Variants in THADA observed in about 807,000 individuals in gnomAD.
THADA encodes the protein THADA armadillo repeat containing, also known as tRNA (32-2'-O)-methyltransferase regulator THADA.
Under a neutral mutation model 219.8 loss-of-function variants are expected in THADA, and 213 were observed. The ratio of observed to expected loss-of-function variants is 0.97; its 90% CI spans 0.87 to 1.09. THADA has a LOEUF of 1.09. Among genes scored for constraint, THADA ranks in the 50% least tolerant of loss-of-function variants. The pLI is 0.00. For synonymous variants in THADA, 1,018 were observed against 828.9 expected (o/e 1.23, Z -3.92); for missense variants, 2,956 against 2,311.3 (o/e 1.28, Z -5.72).
chr2:43,495,848 A>G (rs1024735088), intron 25 of THADA, among the ~76,000 whole-genome samples: 1 of 152,190 alleles, frequency 6.6e-6, no homozygotes, highest in Non-Finnish European at 1.5e-5. Flanking sequence ...CTCTACTGAC[A>G]GTATAAAGGC....
chr2:43,329,105 C>T (rs887461685), intron 30 of THADA, among the ~76,000 whole-genome samples: 8 of 152,114 alleles, frequency 5.3e-5, no homozygotes, highest in Non-Finnish European at 7.3e-5. Context: ...ACGAGAGATG[C>T]GTGTTTCCCT....
At chr2:43,345,579 G>T (rs1667547749) in intron 29 of THADA, among the ~76,000 whole-genome samples, 1 of 152,208 alleles carries the variant, frequency 6.6e-6, no homozygotes, top group South Asian at 2.1e-4. Flanking sequence ...CCGACGTGGA[G>T]TCTGGAGCAA....
chr2:43,404,443 C>G (rs1254894226), intron 28 of THADA, among the ~76,000 whole-genome samples: 1 of 150,336 alleles, frequency 6.7e-6, no homozygotes, highest in African/African-American at 2.5e-5. Flanking sequence ...TCCTCCCACT[C>G]TGGCATCCCA....
Position 43,541,308 on chromosome 2 carries a change from C to G in THADA, c.3115G>C (p.Val1039Leu), listed in dbSNP as rs745338386. 1.2e-4 allele frequency: 194 copies of G among 1,612,438 alleles called. No individual in the cohort carries two copies. The highest frequency in any genetic ancestry group is 1.6e-4 in the Non-Finnish European group (193 of 1,179,414). ...DTSTEIKGKE[V>L]KTCDVTAQMV... ...TGCGCAGTTACATCACATGTTTTTA[C>G]TTCTTTACCTTAAACAAAAAAAAAC... is the stretch of plus-strand genomic sequence containing the variant. The change falls in exon 21 of 38, where the codon GTA (valine) becomes CTA (leucine). Residue 1039 changes from valine to leucine, a missense_variant. Coordinates refer to ENST00000405975, the MANE Select transcript of THADA (RefSeq NM_022065.5).
In THADA at chr2:43,523,316, A is replaced by C. The variant is rs575154601; in HGVS notation, c.3374+4563T>G. 7.9e-5 allele frequency among the ~76,000 whole-genome samples: 12 copies of C among 152,288 alleles called. No individual in the cohort carries two copies. The South Asian group carries it at 2.5e-3, about 32-fold the overall frequency. On this transcript the variant is annotated intron_variant, in intron 22 of 37. Transcript: ENST00000405975. ...CAGGAGGCAGAAGTTGCAATGAGCC[A>C]AGATCATGCCACTGCACTCCAGCCT... is the stretch of plus-strand genomic sequence containing the variant.
chr2:43,250,391 C>G (rs1346912393), intron 36 of THADA, among the ~76,000 whole-genome samples: 1 of 151,992 alleles, frequency 6.6e-6, no homozygotes, highest in Non-Finnish European at 1.5e-5. Flanking sequence ...TTGCCAGAGG[C>G]CAGGGGATAG....
intron 30 of THADA, among the ~76,000 whole-genome samples, chr2:43,338,699 T>G (rs367892117): frequency 2.0e-4 from 31 of 152,346 alleles, no homozygotes; most frequent in South Asian, 6.2e-4. Flanking sequence ...TTTCCTTCCT[T>G]TTCCAGGCTA....
intron 28 of THADA, among the ~76,000 whole-genome samples, chr2:43,420,802 T>C (rs1014875362): frequency 3.3e-4 from 50 of 152,288 alleles, no homozygotes; most frequent in African/African-American, 1.2e-3. Flanking sequence ...CCAGAACTAT[T>C]TGCAAAAAAA....
chr2:43,457,001 T>C (rs192465195), intron 26 of THADA, among the ~76,000 whole-genome samples: 9 of 152,302 alleles, frequency 5.9e-5, no homozygotes, highest in African/African-American at 2.2e-4. Flanking sequence ...TTAACACCTA[T>C]ACTTTGAAGG....
At chr2:43,327,037 C>T (rs975678523) in intron 30 of THADA, among the ~76,000 whole-genome samples, 4 of 151,794 alleles carry the variant, frequency 2.6e-5, no homozygotes, top group African/African-American at 9.7e-5. Context: ...TATGGCTTTG[C>T]AGAGCTTATG....
chr2:43,431,936 A>C lies in THADA; in HGVS notation c.3837-1634T>G, dbSNP rs572327718. On this transcript the variant is annotated intron_variant, in intron 26 of 37. Transcript: ENST00000405975. ...CAGTGGCGGGATCTCGGCTCACTGCAAGCTCCGCCTCGCGGGTTCACGCCA... is the reference window on the plus strand; with the variant it reads ...CAGTGGCGGGATCTCGGCTCACTGCCAGCTCCGCCTCGCGGGTTCACGCCA... 5.7e-4 allele frequency among the ~76,000 whole-genome samples: 59 copies of C among 102,940 alleles called. No homozygotes were observed. The East Asian group carries it at 0.012, about 21-fold the overall frequency. 67.5% of individuals were successfully genotyped at this position (102,940 alleles called of 152,430 possible). A position where few individuals can be genotyped will look rare whatever the true frequency, so the allele number is the denominator to read the frequency against.
chr2:43,549,326 G>T lies in THADA; in HGVS notation c.2990C>A (p.Pro997His). ...GTTAAAATAATCATTAGTATCTCGA[G>T]GCTGAATCTCATTCAGAATCATCTG... The part of the protein sequence containing the change: ...RLQMILNEIQ[P>H]RDTNDYFNQA... Residue 997 changes from proline (P) to histidine (H), a missense_variant, in exon 20 of 38, where the codon CCT (proline) becomes CAT (histidine). Pro to His is a moderately conservative substitution (Grantham distance 77). Coordinates refer to ENST00000405975, the MANE Select transcript of THADA (RefSeq NM_022065.5). The T allele has an allele frequency of 6.2e-7, 1 of 1,603,380 alleles. No homozygotes were observed. Among genetic ancestry groups the T allele is most frequent in the Non-Finnish European group, 8.5e-7 (1 of 1,175,192 alleles).
chr2:43,582,590 CAG>C (rs1251231500), intron 7 of THADA, among the ~76,000 whole-genome samples: 2 of 113,690 alleles, frequency 1.8e-5, no homozygotes, highest in African/African-American at 3.9e-5. Context: ...TTTTTTGAGA[CAG>C]AGTCTCCCCC....
intron 36 of THADA, among the ~76,000 whole-genome samples, chr2:43,258,130 C>T (rs761084353): frequency 6.6e-6 from 1 of 152,068 alleles, no homozygotes; most frequent in African/African-American, 2.4e-5. Flanking sequence ...GGATTAAATG[C>T]GAGACACTGA....
chr2:43,283,245 C>CT (rs1481318990), intron 35 of THADA, among the ~76,000 whole-genome samples: 3 of 152,190 alleles, frequency 2.0e-5, no homozygotes, highest in Non-Finnish European at 4.4e-5. Context: ...AATTAAACCT[C>CT]TTTTCTTGAT....
rs1481382408 is a variant in THADA at position 43,592,353 on chromosome 2, G to A, written c.40C>T (p.Leu14=). Residue 14 remains leucine, a synonymous_variant, in exon 2 of 38, where the codon CTG becomes TTG. Transcript: ENST00000405975. ...TCAAGGTCCTGATGGCAAATGGTCA[G>A]CGCAGCAACTTGCATTTCTTTCTTC... is the stretch of plus-strand genomic sequence containing the variant. ...KKKKEMQVAA[L]TICHQDLETL... 6.2e-7 allele frequency: 1 copy of A among 1,608,938 alleles called. No individual in the cohort carries two copies. The highest frequency in any genetic ancestry group is 8.5e-7 in the Non-Finnish European group (1 of 1,177,652).
At chr2:43,549,947 C>T (rs945708401) in intron 19 of THADA, among the ~76,000 whole-genome samples, 5 of 151,640 alleles carry the variant, frequency 3.3e-5, no homozygotes, top group Non-Finnish European at 5.9e-5. Flanking sequence ...AATATCGTAA[C>T]GACTCCACAA....
rs984959007 is a variant in THADA, at chr2:43,576,764, C to G, written c.1037+258G>C. 3.9e-5 allele frequency among the ~76,000 whole-genome samples: 6 copies of G among 152,134 alleles called. No individual in the cohort carries two copies. The South Asian group carries it at 1.2e-3, about 31-fold the overall frequency. On this transcript the variant is annotated intron_variant, in intron 10 of 37. Coordinates refer to ENST00000405975, the MANE Select transcript of THADA (RefSeq NM_022065.5). Reference sequence around the variant, plus strand: ...CGGCCTCCTGGGCTCAAGCAATGTTCTCACCTCAGCCTCCCACGTAGCTGA... The same window carrying G: ...CGGCCTCCTGGGCTCAAGCAATGTTGTCACCTCAGCCTCCCACGTAGCTGA...
intron 29 of THADA, among the ~76,000 whole-genome samples, chr2:43,349,970 C>A (rs1668066510): frequency 6.6e-6 from 1 of 152,168 alleles, no homozygotes; most frequent in African/African-American, 2.4e-5. Flanking sequence ...TAAGTCAGTG[C>A]CACATTTTCC....
Sources: allele counts gnomAD v4.1 joint callset (sites outside exome capture counted in the v4.1 genomes callset), GRCh38; gene constraint gnomAD v4.1.1; transcripts MANE v1.5; gene names NCBI Gene and HGNC (gene_info 2026-07-23, HGNC 2026-07-21).